Variants in NMT2 observed in about 807,000 individuals in gnomAD.
NMT2 encodes the protein N-myristoyltransferase 2.
A neutral mutation model predicts 65.4 loss-of-function variants in NMT2; 35 were observed. The observed-to-expected ratio is 0.54, with a 90% confidence interval of 0.41 to 0.71. The LOEUF (loss-of-function observed/expected upper bound fraction) is 0.71. NMT2 is among the 30% of genes least tolerant of loss of function. The pLI is 0.00. For synonymous variants in NMT2, 226 were observed against 231.8 expected (o/e 0.98, Z 0.23); for missense variants, 489 against 611.3 (o/e 0.80, Z 2.11).
chr10:15,133,008 A>C (rs41284463), intron 5 of NMT2, 45 bp downstream of exon 5: 2 of 1,596,922 alleles, frequency 1.3e-6, no homozygotes, highest in Non-Finnish European at 1.7e-6. Flanking sequence ...GGAGTCCCCA[A>C]GTCAGCAGCG....
intron 1 of NMT2, among the ~76,000 whole-genome samples, chr10:15,152,217 T>C (rs1000811117): frequency 1.3e-5 from 2 of 152,074 alleles, no homozygotes; most frequent in African/African-American, 2.4e-5. Flanking sequence ...CAAATGGCGC[T>C]TTTCACCAGG....
chr10:15,136,493 TGGAAGGAA>T lies in NMT2; in HGVS notation c.247-1083_247-1076del, dbSNP rs1205963402. On this transcript the variant is annotated intron_variant, in intron 2 of 11. Coordinates refer to ENST00000378165, the MANE Select transcript of NMT2 (RefSeq NM_004808.3). ...GAGGAAAGGAGGAAGGAAGGACAGATGGAAGGAAGGAAGGAAGGAAGGGAAATCTGAAC... is the reference window on the plus strand; with the variant it reads ...GAGGAAAGGAGGAAGGAAGGACAGATGGAAGGAAGGAAGGGAAATCTGAAC... Among the ~76,000 whole-genome samples, 11 of 147,714 alleles carry T rather than the reference TGGAAGGAA, an allele frequency of 7.4e-5. No homozygotes were observed. The South Asian group carries it at 8.6e-4, about 12-fold the overall frequency.
At position 15,113,567 on chromosome 10, in the gene NMT2, G is replaced by T. The variant is rs114956439; in HGVS notation, c.1171-604C>A. ...CAAATGAGTCAATTCTTTAGACTAAGGGAACAGTGATAAAAGCAGATTCAT... is the reference window on the plus strand; with the variant it reads ...CAAATGAGTCAATTCTTTAGACTAATGGAACAGTGATAAAAGCAGATTCAT... On this transcript the variant is annotated intron_variant, in intron 9 of 11. Transcript: ENST00000378165. Among the ~76,000 whole-genome samples, 369 of 151,442 alleles carry T rather than the reference G, an allele frequency of 2.4e-3. 3 individuals carry two copies. The highest frequency in any genetic ancestry group is 8.7e-3 in the African/African-American group (360 of 41,200).
Position 15,133,234 on chromosome 10 carries a change from T to A in NMT2, c.510+11A>T, listed in dbSNP as rs1846347909. On this transcript the variant is annotated intron_variant, in intron 4 of 11. Coordinates refer to ENST00000378165, the MANE Select transcript of NMT2 (RefSeq NM_004808.3). The stretch of plus-strand genomic sequence containing the variant: ...GCAGGAGTTGAATTTAAGAGGTTTT[T>A]ACTCACTCACCACTTCGGCATCACT... 1.2e-6 allele frequency: 2 copies of A among 1,610,260 alleles called. No individual in the cohort carries two copies. Among genetic ancestry groups the A allele is most frequent in the Non-Finnish European group, 1.7e-6 (2 of 1,176,576 alleles).
chr10:15,116,114 A>G (rs1451175789), intron 9 of NMT2, among the ~76,000 whole-genome samples: 1 of 152,222 alleles, frequency 6.6e-6, no homozygotes, highest in African/African-American at 2.4e-5. Context: ...ACTCCACACA[A>G]CCGTAGTGGT....
At chr10:15,164,182 C>CA (rs34847914) in intron 1 of NMT2, among the ~76,000 whole-genome samples, 841 of 68,134 alleles carry the variant, frequency 0.012, no homozygotes, top group South Asian at 0.021. Context: ...GAATTGGTCT[C>CA]AAAAAAAAAA....
At position 15,107,423 on chromosome 10, in the gene NMT2, A is replaced by G. The variant is rs1360216093; in HGVS notation, c.*1772T>C. ...AATTAACTTCTGCACTGAACTTCCT[A>G]GGCACTGGCCCAGTAAAAGCAGGGA... is the stretch of plus-strand genomic sequence containing the variant. On this transcript the variant is annotated 3_prime_UTR_variant, in exon 12 of 12. Coordinates refer to ENST00000378165, the MANE Select transcript of NMT2 (RefSeq NM_004808.3). 3 of 985,306 alleles carry G rather than the reference A, an allele frequency of 3.0e-6. No homozygotes were observed. The highest frequency in any genetic ancestry group is 3.6e-6 in the Non-Finnish European group (3 of 829,920). The allele number at this position is 985,306 out of a possible 1,614,324, so 61.0% of individuals were successfully genotyped here.
chr10:15,164,007 G>A (rs569879136), intron 1 of NMT2, among the ~76,000 whole-genome samples: 11 of 151,776 alleles, frequency 7.2e-5, no homozygotes, highest in Non-Finnish European at 1.6e-4. Context: ...GTGAAACCCC[G>A]TCTCTACTAA....
At chr10:15,164,170 GAGAATTGGTCTCAAAAAAAAAAAAAAAAA>G (rs1028683472) in intron 1 of NMT2, among the ~76,000 whole-genome samples, 4 of 125,650 alleles carry the variant, frequency 3.2e-5, no homozygotes, top group Non-Finnish European at 6.4e-5. Context: ...GGGACAGAGC[GAGAATTGGTCTCAAAAAAAAAAAAAAAAA>G]AAAAAAAGGT....
rs1432575085 is a variant in NMT2 at position 15,127,567 on chromosome 10, A to AT, written c.999+782_999+783insA. Among the ~76,000 whole-genome samples the AT allele has an allele frequency of 3.3e-4, 30 of 90,124 alleles. 1 individual carries two copies. The highest frequency in any genetic ancestry group is 9.3e-4 in the African/African-American group (13 of 13,924). The allele number at this position is 90,124 out of a possible 152,430, so 59.1% of individuals were successfully genotyped here. On this transcript the variant is annotated intron_variant, in intron 8 of 11. Transcript: ENST00000378165. ...GTCTCAAAAAAAAAAAAAAAAAAAA[A>AT]AAATAAATAAATAAATAAATAAATA... is the stretch of plus-strand genomic sequence containing the variant.
intron 1 of NMT2, among the ~76,000 whole-genome samples, chr10:15,168,205 G>A (rs1288942810): frequency 6.6e-6 from 1 of 152,088 alleles, no homozygotes; most frequent in Non-Finnish European, 1.5e-5. Flanking sequence ...GCGCCTCCTG[G>A]GCCAGGCCGC....
At chr10:15,133,473 G>A in intron 3 of NMT2, 110 bp from the exon 4 acceptor site, 1 of 778,874 alleles carries the variant, frequency 1.3e-6, no homozygotes. Flanking sequence ...TCTGACTTAG[G>A]GCCCTCGGGT....
chr10:15,114,776 G>C (rs7920179), intron 9 of NMT2, among the ~76,000 whole-genome samples: 12,969 of 152,244 alleles, frequency 0.085, 776 homozygotes, highest in East Asian at 0.18. Flanking sequence ...GCCAAAGTGG[G>C]TGGATTTTCT....
At chr10:15,126,235 CCTGA>C (rs1298482514) in intron 8 of NMT2, among the ~76,000 whole-genome samples, 3 of 151,156 alleles carry the variant, frequency 2.0e-5, no homozygotes, top group Non-Finnish European at 4.4e-5. Context: ...TCGAGACCAG[CCTGA>C]CTAATATGGT....
At chr10:15,122,736 T>C (rs572596572) in intron 8 of NMT2, among the ~76,000 whole-genome samples, 2 of 152,286 alleles carry the variant, frequency 1.3e-5, no homozygotes, top group South Asian at 2.1e-4. Context: ...TTAATAATGA[T>C]TGAGTACCTC....
chr10:15,162,854 T>A (rs1248318737), intron 1 of NMT2, among the ~76,000 whole-genome samples: 1 of 148,456 alleles, frequency 6.7e-6, no homozygotes, highest in Non-Finnish European at 1.5e-5. Context: ...TATTTGATAT[T>A]TATATATCTA....
At chr10:15,116,354 G>A (rs931321559) in intron 9 of NMT2, among the ~76,000 whole-genome samples, 16 of 151,976 alleles carry the variant, frequency 1.1e-4, no homozygotes, top group South Asian at 2.1e-4. Flanking sequence ...AGCCTCAAAC[G>A]AAACCAAAAA....
chr10:15,119,211 T>C (rs1845843086), intron 9 of NMT2, 132 bp downstream of exon 9: 5 of 800,698 alleles, frequency 6.2e-6, no homozygotes, highest in Non-Finnish European at 1.0e-5. Context: ...TTATTAACTC[T>C]CTACCCTTTA....
At chr10:15,167,723 A>G (rs1833421387) in intron 1 of NMT2, among the ~76,000 whole-genome samples, 1 of 152,250 alleles carries the variant, frequency 6.6e-6, no homozygotes, top group Non-Finnish European at 1.5e-5. Context: ...TCAAGTCTGC[A>G]GGGTTCGGGG....
Sources: gnomAD v4.1 joint callset for allele counts (sites outside exome capture counted in the v4.1 genomes callset) on GRCh38, gnomAD v4.1.1 for gene constraint, MANE v1.5 for transcripts, NCBI Gene and HGNC (gene_info 2026-07-23, HGNC 2026-07-21) for gene names.